Variants in UNC80 observed in about 807,000 individuals in gnomAD.
UNC80 encodes unc-80 subunit of NALCN channel complex, also known as protein unc-80 homolog.
UNC80 carries 164 observed loss-of-function variants against 384.6 expected under a neutral mutation model. The ratio of observed to expected loss-of-function variants is 0.43; its 90% CI spans 0.38 to 0.49. The LOEUF (loss-of-function observed/expected upper bound fraction) is 0.49, where lower values mean the gene tolerates loss of function less well. Ranked by LOEUF, UNC80 falls within the 20% of genes least tolerant of loss-of-function variation. UNC80 has a pLI of 0.00. For synonymous variants in UNC80, 1,486 were observed against 1,527.8 expected (o/e 0.97, Z 0.64); for missense variants, 3,330 against 4,143.0 (o/e 0.80, Z 5.39).
intron 30 of UNC80, 42 bp downstream of exon 30, chr2:209,912,709 AG>A: frequency 7.2e-7 from 1 of 1,386,884 alleles, no homozygotes; most frequent in South Asian, 1.3e-5. Flanking sequence ...AACTTTTAAC[AG>A]GGAGGGGACT....
At chr2:209,959,201 G>A in intron 50 of UNC80, 47 bp downstream of exon 50, 3 of 1,539,686 alleles carry the variant, frequency 1.9e-6, no homozygotes, top group Non-Finnish European at 2.6e-6. Context: ...GACATCTTGA[G>A]ATGATTGCCT....
chr2:209,862,372 A>G (rs1408133863), intron 22 of UNC80, among the ~76,000 whole-genome samples: 2 of 152,164 alleles, frequency 1.3e-5, no homozygotes, highest in African/African-American at 4.8e-5. Flanking sequence ...AGTCCTGAAT[A>G]TTCTCGTTAA....
intron 7 of UNC80, among the ~76,000 whole-genome samples, chr2:209,797,125 A>G (rs2078211890): frequency 6.6e-6 from 1 of 152,194 alleles, no homozygotes; most frequent in South Asian, 2.1e-4. Flanking sequence ...TTTGAGATTT[A>G]TCCACATTAT....
chr2:209,983,942 G>C (rs760625742), intron 60 of UNC80, among the ~76,000 whole-genome samples: 12 of 152,104 alleles, frequency 7.9e-5, no homozygotes, highest in South Asian at 2.1e-4. Flanking sequence ...CTCTTCCTAG[G>C]GACAGAGGCT....
intron 22 of UNC80, among the ~76,000 whole-genome samples, chr2:209,868,773 G>C (rs1327718450): frequency 6.6e-6 from 1 of 152,120 alleles, no homozygotes; most frequent in Non-Finnish European, 1.5e-5. Flanking sequence ...ATACAAGATT[G>C]AACTATATGA....
chr2:209,803,119 A>G (rs2078665770), intron 7 of UNC80, among the ~76,000 whole-genome samples: 2 of 152,238 alleles, frequency 1.3e-5, no homozygotes, highest in African/African-American at 4.8e-5. Context: ...TTTGTCATAT[A>G]AGGTAACCTA....
At chr2:209,940,672 C>T (rs557461676) in intron 43 of UNC80, among the ~76,000 whole-genome samples, 4 of 152,036 alleles carry the variant, frequency 2.6e-5, no homozygotes, top group African/African-American at 7.2e-5. Context: ...AAAAAATTAG[C>T]TGGGCATGGT....
intron 7 of UNC80, chr2:209,796,155 G>A (rs566091907): frequency 6.6e-6 from 1 of 152,404 alleles, no homozygotes; most frequent in Admixed American, 6.5e-5. Context: ...TAACCTGGAT[G>A]TGAGGCCTGG....
intron 20 of UNC80, among the ~76,000 whole-genome samples, chr2:209,841,816 T>G (rs1157448342): frequency 6.6e-6 from 1 of 152,192 alleles, no homozygotes; most frequent in African/African-American, 2.4e-5. Flanking sequence ...GCCCATAGCT[T>G]CCTTGCTGTG....
intron 30 of UNC80, among the ~76,000 whole-genome samples, chr2:209,913,439 T>C (rs1224186471): frequency 6.6e-6 from 1 of 152,178 alleles, no homozygotes; most frequent in Admixed American, 6.5e-5. Flanking sequence ...GGAAATCTAC[T>C]ATTAGGAAGG....
In UNC80 at chr2:209,789,605, G is replaced by T; in HGVS notation, c.798G>T (p.Glu266Asp). ...CAAATCAAGATGCAAGACACTTAGA[G>T]GTTAGTTTATTATAATCATAAGAAG... is the stretch of plus-strand genomic sequence containing the variant. ...ESPNQDARHL[E>D]GLQVVCETFQ... The change falls in exon 6 of 65, where the codon GAG becomes GAT. Residue 266 changes from glutamate (E) to aspartate (D), a missense_variant and splice_region_variant. By Grantham distance (45) the Glu-to-Asp change is conservative. Around this residue, in one of 8 missense-constraint regions of UNC80, gnomAD observed 937 missense variants for 1,026.8 expected, o/e 0.91. Coordinates refer to ENST00000673920, the MANE Select transcript of UNC80 (RefSeq NM_001371986.1). 6.2e-7 allele frequency: 1 copy of T among 1,609,626 alleles called. No individual in the cohort carries two copies. The highest frequency in any genetic ancestry group is 8.5e-7 in the Non-Finnish European group (1 of 1,176,256).
chr2:209,899,660 CT>C (rs112491401), intron 28 of UNC80, among the ~76,000 whole-genome samples: 2,477 of 152,200 alleles, frequency 0.016, 79 homozygotes, highest in African/African-American at 0.056. Flanking sequence ...CTACACACAC[CT>C]TTTAATATGA....
intron 7 of UNC80, among the ~76,000 whole-genome samples, chr2:209,802,614 T>C (rs1395242700): frequency 1.3e-5 from 2 of 152,210 alleles, no homozygotes; most frequent in African/African-American, 4.8e-5. Flanking sequence ...TTTAGTGGAA[T>C]GTCCTTCTTA....
chr2:209,831,647 T>C (rs1356518201), intron 16 of UNC80, 56 bp downstream of exon 16: 1 of 1,427,920 alleles, frequency 7.0e-7, no homozygotes, highest in Admixed American at 3.1e-5. Flanking sequence ...CTGAGAAAAG[T>C]ACTCATTGTC....
chr2:209,945,069 C>A lies in UNC80; in HGVS notation c.7069C>A (p.Pro2357Thr), dbSNP rs770886767. 1 of 1,551,096 alleles carries A rather than the reference C, an allele frequency of 6.4e-7. No individual in the cohort carries two copies. Among genetic ancestry groups the A allele is most frequent in the Non-Finnish European group, 8.7e-7 (1 of 1,146,628 alleles). Residue 2357 changes from proline to threonine, a missense_variant, in exon 46 of 65, where the codon CCC becomes ACC. Physicochemically the swap from Pro to Thr is conservative, Grantham distance 38 (BLOSUM62 -1). This residue lies in a region of UNC80 where 1,049 missense variants were observed against 1,488.6 expected (regional missense o/e 0.70). Coordinates refer to ENST00000673920, the MANE Select transcript of UNC80 (RefSeq NM_001371986.1). ...TTATCAGGATGCTGCCAATAATGGG[C>A]CCAGCAAAGGTGTGTCAGCTCAGTG... is the stretch of plus-strand genomic sequence containing the variant. ...LEFPDAANNG[P>T]SKGVSAQCLF...
intron 23 of UNC80, among the ~76,000 whole-genome samples, chr2:209,876,135 A>G (rs2084761615): frequency 1.3e-5 from 2 of 152,184 alleles, no homozygotes; most frequent in East Asian, 3.9e-4. Flanking sequence ...TACATCCCTC[A>G]ATAGACTGTA....
chr2:209,990,320 C>G (rs1178717817), intron 61 of UNC80, among the ~76,000 whole-genome samples: 1 of 152,088 alleles, frequency 6.6e-6, no homozygotes, highest in African/African-American at 2.4e-5. Flanking sequence ...TACCTGCTTC[C>G]TTTTAGTATT....
intron 38 of UNC80, among the ~76,000 whole-genome samples, chr2:209,932,133 G>C (rs755773341): frequency 6.6e-6 from 1 of 152,154 alleles, no homozygotes; most frequent in Non-Finnish European, 1.5e-5. Flanking sequence ...CTCAAAGCCT[G>C]TCTGCTCCTG....
chr2:209,933,312 G>A (rs759583936), intron 38 of UNC80, among the ~76,000 whole-genome samples: 3 of 151,910 alleles, frequency 2.0e-5, no homozygotes, highest in Admixed American at 6.6e-5. Context: ...ATAATGTAAG[G>A]TTTGTCACAA....
Sources: allele counts gnomAD v4.1 joint callset (sites outside exome capture counted in the v4.1 genomes callset), GRCh38; gene constraint gnomAD v4.1.1; regional missense constraint gnomAD v4.1.1; transcripts MANE v1.5; gene names NCBI Gene and HGNC (gene_info 2026-07-23, HGNC 2026-07-21).